The following GRM7 variants were observed in gnomAD, a reference collection of about 807,000 sequenced individuals.
The protein encoded by GRM7 is glutamate metabotropic receptor 7.
Under a neutral mutation model 84.5 loss-of-function variants are expected in GRM7, and 35 were observed. The observed-to-expected ratio is 0.41, with a 90% CI of 0.32 to 0.55. The LOEUF is 0.55. GRM7 is among the 20% of genes least tolerant of loss of function. The probability of loss-of-function intolerance (pLI) is 0.19; values close to 1 mark genes in which losing one functional copy is unlikely to be tolerated. For synonymous variants in GRM7, 487 were observed against 455.1 expected (o/e 1.07, Z -0.89); for missense variants, 1,003 against 1,194.6 (o/e 0.84, Z 2.36).
intron 2 of GRM7, among the ~76,000 whole-genome samples, chr3:7,229,747 A>ATTTT (rs1697112865): frequency 3.4e-5 from 1 of 29,766 alleles, no homozygotes; most frequent in African/African-American, 1.2e-4. Context: ...ATATATATAT[A>ATTTT]TATATATATA....
intron 1 of GRM7, among the ~76,000 whole-genome samples, chr3:6,939,222 G>A (rs2125054219): frequency 6.6e-6 from 1 of 152,182 alleles, no homozygotes; most frequent in African/African-American, 2.4e-5. Flanking sequence ...AATCTGTTAA[G>A]GCTTTAGGCT....
intron 2 of GRM7, among the ~76,000 whole-genome samples, chr3:7,211,200 G>A (rs1467770087): frequency 6.6e-6 from 1 of 152,142 alleles, no homozygotes; most frequent in Non-Finnish European, 1.5e-5. Flanking sequence ...ATTTGAACAA[G>A]TCTTGTAAAT....
intron 8 of GRM7, among the ~76,000 whole-genome samples, chr3:7,587,416 T>G (rs1298501700): frequency 1.3e-5 from 2 of 152,152 alleles, no homozygotes; most frequent in Non-Finnish European, 2.9e-5. Context: ...TATGTCTACC[T>G]GGGCATTGGC....
intron 4 of GRM7, among the ~76,000 whole-genome samples, chr3:7,393,954 C>T (rs1695104998): frequency 6.6e-6 from 1 of 152,118 alleles, no homozygotes; most frequent in African/African-American, 2.4e-5. Context: ...TTAAGTGGTA[C>T]AGTTTTCGCA....
intron 1 of GRM7, among the ~76,000 whole-genome samples, chr3:6,937,666 T>A (rs1024715712): frequency 6.6e-6 from 1 of 152,234 alleles, no homozygotes; most frequent in Non-Finnish European, 1.5e-5. Context: ...TGTCTGTGAT[T>A]TGCTTACAGG....
intron 1 of GRM7, among the ~76,000 whole-genome samples, chr3:7,138,198 C>T (rs1298269523): frequency 6.6e-6 from 1 of 151,908 alleles, no homozygotes; most frequent in African/African-American, 2.4e-5. Context: ...TAGCCCATAA[C>T]AGATAATATA....
chr3:7,514,010 C>G (rs1700295633), intron 7 of GRM7, among the ~76,000 whole-genome samples: 1 of 152,214 alleles, frequency 6.6e-6, no homozygotes, highest in Non-Finnish European at 1.5e-5. Context: ...ACTGTGTGTA[C>G]CTTGAGTGAC....
At chr3:7,666,530 G>A (rs943383788) in intron 8 of GRM7, among the ~76,000 whole-genome samples, 7 of 152,146 alleles carry the variant, frequency 4.6e-5, no homozygotes, top group Non-Finnish European at 5.9e-5. Context: ...TGGATGTGGC[G>A]AAACCAGTTG....
At chr3:7,282,405 G>A (rs187162235) in intron 2 of GRM7, among the ~76,000 whole-genome samples, 1 of 152,158 alleles carries the variant, frequency 6.6e-6, no homozygotes, top group Admixed American at 6.5e-5. Flanking sequence ...CATGGCTCTC[G>A]CCTATCCACA....
At chr3:7,084,861 A>T (rs938064256) in intron 1 of GRM7, among the ~76,000 whole-genome samples, 2 of 152,164 alleles carry the variant, frequency 1.3e-5, no homozygotes, top group African/African-American at 4.8e-5. Flanking sequence ...GCTCAAGAAG[A>T]AAAGTGAATT....
At chr3:7,630,966 TA>T (rs558354401) in intron 8 of GRM7, among the ~76,000 whole-genome samples, 20 of 152,356 alleles carry the variant, frequency 1.3e-4, no homozygotes, top group African/African-American at 4.6e-4. Flanking sequence ...GTGCCAACTG[TA>T]ATTATCACTG....
intron 1 of GRM7, among the ~76,000 whole-genome samples, chr3:6,946,053 C>G (rs1425199306): frequency 6.6e-6 from 1 of 152,140 alleles, no homozygotes; most frequent in Admixed American, 6.5e-5. Flanking sequence ...TGCAGAAGCT[C>G]TTTAGTTTAA....
intron 2 of GRM7, among the ~76,000 whole-genome samples, chr3:7,228,977 C>T (rs746010005): frequency 6.6e-6 from 1 of 152,064 alleles, no homozygotes; most frequent in Non-Finnish European, 1.5e-5. Flanking sequence ...TGTTTTTACA[C>T]AAAATGAAAA....
intron 1 of GRM7, among the ~76,000 whole-genome samples, chr3:7,086,847 CTT>C (rs1698474433): frequency 6.6e-6 from 1 of 152,320 alleles, no homozygotes; most frequent in Non-Finnish European, 1.5e-5. Context: ...GGACTGGAAA[CTT>C]TGCTTCACTT....
At chr3:7,313,517 A>T (rs1461912776) in intron 4 of GRM7, among the ~76,000 whole-genome samples, 1 of 152,102 alleles carries the variant, frequency 6.6e-6, no homozygotes, top group African/African-American at 2.4e-5. Flanking sequence ...TACCTTTCTT[A>T]TTCACCTCTG....
chr3:7,693,488 T>G (rs540200110), intron 9 of GRM7: 1 of 650,028 alleles, frequency 1.5e-6, no homozygotes, highest in South Asian at 1.7e-5. Flanking sequence ...CCTCCTAGGG[T>G]TAGTATGAAA....
At chr3:7,066,915 C>T (rs1697686935) in intron 1 of GRM7, among the ~76,000 whole-genome samples, 2 of 151,838 alleles carry the variant, frequency 1.3e-5, no homozygotes. Flanking sequence ...GATTTAAAAA[C>T]AAAAATCATA....
At chr3:7,124,480 T>C (rs1693332954) in intron 1 of GRM7, among the ~76,000 whole-genome samples, 2 of 152,132 alleles carry the variant, frequency 1.3e-5, no homozygotes, top group Non-Finnish European at 2.9e-5. Flanking sequence ...CGCTCCAACC[T>C]GGAGTGATAT....
intron 2 of GRM7, among the ~76,000 whole-genome samples, chr3:7,189,047 G>A (rs1222093159): frequency 2.0e-5 from 3 of 152,164 alleles, no homozygotes; most frequent in Admixed American, 6.5e-5. Context: ...CTCTACGCAA[G>A]CCATTGCTGC....
Sources: gnomAD v4.1 joint callset for allele counts (sites outside exome capture counted in the v4.1 genomes callset) on GRCh38, gnomAD v4.1.1 for gene constraint, MANE v1.5 for transcripts, NCBI Gene and HGNC (gene_info 2026-07-23, HGNC 2026-07-21) for gene names.